Variants in MACROD1 observed in about 807,000 individuals in gnomAD.
The protein encoded by MACROD1 is ADP-ribose glycohydrolase MACROD1.
In MACROD1, 31 loss-of-function variants were observed where a neutral mutation model predicts 41.4. The observed-to-expected ratio is 0.75, with a 90% CI of 0.56 to 1.01. The LOEUF is 1.01. MACROD1 is among the 50% of genes least tolerant of loss of function. The probability of loss-of-function intolerance (pLI) is 0.00; values close to 1 mark genes in which losing one functional copy is unlikely to be tolerated. For missense variants in MACROD1, 473 were observed against 460.0 expected, an observed-to-expected ratio of 1.03 and a Z score of -0.26; for synonymous variants, 252 against 203.4, an observed-to-expected ratio of 1.24 and a Z score of -2.03.
Position 64,072,243 on chromosome 11 carries a change from C to T in MACROD1, c.518-56962G>A, listed in dbSNP as rs11231688. On this transcript the variant is annotated intron_variant, in intron 3 of 10. Transcript: ENST00000255681. ...GTGGGATGGAGGGGCTGGTTCTGCA[C>T]CCAACCCACAGATGGGTACAGGGGT... is the stretch of plus-strand genomic sequence containing the variant. 6.6e-3 allele frequency among the ~76,000 whole-genome samples: 1,009 copies of T among 152,162 alleles called. 11 individuals are homozygous for T. Among genetic ancestry groups the T allele is most frequent in the Middle Eastern group, 0.014 (4 of 294 alleles).
chr11:63,999,233 T>C (rs1407305343), intron 8 of MACROD1, 98 bp downstream of exon 8: 1 of 1,459,318 alleles, frequency 6.9e-7, no homozygotes, highest in African/African-American at 1.4e-5. Flanking sequence ...GGGGCGGGCC[T>C]GGCCCTGCGC....
Position 63,999,447 on chromosome 11 carries a change from G to A in MACROD1, c.818-43C>T, listed in dbSNP as rs1380387815. The A allele has an allele frequency of 3.2e-6, 5 of 1,558,596 alleles. No homozygotes were observed. The Admixed American group carries it at 5.7e-5, about 18-fold the overall frequency. On this transcript the variant is annotated intron_variant, in intron 7 of 10. Coordinates refer to ENST00000255681, the MANE Select transcript of MACROD1 (RefSeq NM_014067.4). Reference sequence around the variant, plus strand: ...GGAGTGAGTCCTAGGCTCTGGCCCCGCCCACTCCCCTGTCCGCCCCGGCCC... The same window carrying A: ...GGAGTGAGTCCTAGGCTCTGGCCCCACCCACTCCCCTGTCCGCCCCGGCCC...
At chr11:64,137,427 G>A (rs970109914) in intron 3 of MACROD1, among the ~76,000 whole-genome samples, 6 of 152,008 alleles carry the variant, frequency 3.9e-5, no homozygotes, top group Non-Finnish European at 7.4e-5. Context: ...AGGCCAAGAG[G>A]AGAAAGAAAA....
At chr11:64,102,513 C>T (rs942872203) in intron 3 of MACROD1, among the ~76,000 whole-genome samples, 2 of 152,234 alleles carry the variant, frequency 1.3e-5, no homozygotes, top group Non-Finnish European at 2.9e-5. Flanking sequence ...CAGTTGGAGC[C>T]TTTGAATGAC....
intron 4 of MACROD1, among the ~76,000 whole-genome samples, chr11:64,005,188 C>T (rs76306606): frequency 0.085 from 12,885 of 152,104 alleles, 688 homozygotes; most frequent in East Asian, 0.26. Context: ...TGCCATGATG[C>T]CTGGCTAGTT....
rs1944980461 is a variant in MACROD1, at chr11:64,116,354, G to A, written c.517+34885C>T. ...CCGTTGTGATGACCACGGCCACCAT[G>A]GACCTGCGGGACTGGCTGTTCCTCT... On this transcript the variant is annotated intron_variant, in intron 3 of 10. Transcript: ENST00000255681. The A allele has an allele frequency of 8.7e-6, 14 of 1,612,970 alleles. No individual in the cohort carries two copies. The East Asian group carries it at 3.1e-4, about 36-fold the overall frequency.
At chr11:64,050,370 G>A (rs1943669893) in intron 3 of MACROD1, among the ~76,000 whole-genome samples, 1 of 152,200 alleles carries the variant, frequency 6.6e-6, no homozygotes, top group South Asian at 2.1e-4. Flanking sequence ...GGCCACCTAG[G>A]GGCAGCTGGA....
chr11:64,071,336 G>A (rs531918317), intron 3 of MACROD1, among the ~76,000 whole-genome samples: 151 of 152,144 alleles, frequency 9.9e-4, no homozygotes, highest in African/African-American at 3.4e-3. Context: ...CCAGACCTGC[G>A]GTCTCAATCT....
chr11:64,011,218 G>T (rs1943011624), intron 4 of MACROD1, among the ~76,000 whole-genome samples: 1 of 142,850 alleles, frequency 7.0e-6, no homozygotes, highest in Non-Finnish European at 1.5e-5. Flanking sequence ...GTGTTGGCTG[G>T]GGTGTTGGTT....
chr11:64,050,826 C>T (rs574509115), intron 3 of MACROD1, among the ~76,000 whole-genome samples: 1 of 152,340 alleles, frequency 6.6e-6, no homozygotes, highest in Non-Finnish European at 1.5e-5. Context: ...GTCATGTTGG[C>T]CAGGCTGGTC....
In MACROD1 at chr11:64,120,303, C is replaced by T. The variant is rs1277677440; in HGVS notation, c.517+30936G>A. Among the ~76,000 whole-genome samples the T allele has an allele frequency of 6.6e-6, 1 of 152,218 alleles. No homozygotes were observed. The highest frequency in any genetic ancestry group is 1.5e-5 in the Non-Finnish European group (1 of 68,042). On this transcript the variant is annotated intron_variant, in intron 3 of 10. Transcript: ENST00000255681. This position sits in a 1 kb window ranked among gnomAD's most constrained non-coding sequence, Gnocchi z 4.5. ...TGGTCACGTTTCACTCGAAACTAGA[C>T]GTGTTTTTCCTTTTCCTGCCTGAAT...
chr11:64,057,179 C>T (rs11231685), intron 3 of MACROD1, among the ~76,000 whole-genome samples: 10 of 152,322 alleles, frequency 6.6e-5, no homozygotes, highest in South Asian at 2.1e-4. Context: ...CAGCCAGCCC[C>T]GTGTTTATAA....
intron 3 of MACROD1, chr11:64,116,321 C>T (rs774254865): frequency 3.1e-6 from 5 of 1,609,642 alleles, no homozygotes; most frequent in Non-Finnish European, 8.5e-7. Context: ...CTGCCACTGT[C>T]ACGGCCACCG....
intron 3 of MACROD1, among the ~76,000 whole-genome samples, chr11:64,106,220 C>A (rs1944761275): frequency 6.6e-6 from 1 of 152,152 alleles, no homozygotes; most frequent in African/African-American, 2.4e-5. Flanking sequence ...CACCCCTCTG[C>A]CATCTGCTGC....
chr11:64,066,196 C>T (rs1395158370), intron 3 of MACROD1, among the ~76,000 whole-genome samples: 1 of 148,030 alleles, frequency 6.8e-6, no homozygotes, highest in African/African-American at 2.5e-5. Flanking sequence ...ACTCAGGAGG[C>T]TGAGGCAGGA....
intron 4 of MACROD1, chr11:64,001,399 G>A (rs1942823209): frequency 1.4e-6 from 1 of 702,212 alleles, no homozygotes; most frequent in South Asian, 1.5e-5. Flanking sequence ...TCAGGCACCA[G>A]CTGCCTGGTG....
intron 3 of MACROD1, among the ~76,000 whole-genome samples, chr11:64,071,763 G>T (rs1944111558): frequency 6.6e-6 from 1 of 152,196 alleles, no homozygotes; most frequent in Non-Finnish European, 1.5e-5. Context: ...AGACTGGCCT[G>T]CCCCATCCTC....
At chr11:64,081,210 T>TG (rs1944296710) in intron 3 of MACROD1, among the ~76,000 whole-genome samples, 1 of 152,158 alleles carries the variant, frequency 6.6e-6, no homozygotes, top group Non-Finnish European at 1.5e-5. Context: ...TTAGTAGAGA[T>TG]GGGGTTTCAC....
chr11:64,006,649 G>A (rs1217660805), intron 4 of MACROD1, among the ~76,000 whole-genome samples: 2 of 152,322 alleles, frequency 1.3e-5, no homozygotes, highest in East Asian at 1.9e-4. Context: ...TGGTGGCATC[G>A]TGCCTGCTGG....
Sources: allele counts gnomAD v4.1 joint callset (sites outside exome capture counted in the v4.1 genomes callset), GRCh38; gene constraint gnomAD v4.1.1; non-coding constraint Gnocchi (gnomAD v3.1); transcripts MANE v1.5; gene names NCBI Gene and HGNC (gene_info 2026-07-23, HGNC 2026-07-21).